The following TRPM3 variants were observed in gnomAD, a reference collection of about 807,000 sequenced individuals.
The protein encoded by TRPM3 is transient receptor potential cation channel subfamily M member 3.
A neutral mutation model predicts 181.2 loss-of-function variants in TRPM3; 77 were observed. The ratio of observed to expected loss-of-function variants is 0.42; its 90% CI spans 0.35 to 0.51. The LOEUF is 0.51. Among genes scored for constraint, TRPM3 ranks in the 20% least tolerant of loss-of-function variants. The probability of loss-of-function intolerance (pLI) is 0.01; values close to 1 mark genes in which losing one functional copy is unlikely to be tolerated. For missense variants in TRPM3, 1,759 were observed against 2,196.7 expected, an observed-to-expected ratio of 0.80 and a Z score of 3.98; for synonymous variants, 745 against 796.4, an observed-to-expected ratio of 0.94 and a Z score of 1.09.
intron 1 of TRPM3, among the ~76,000 whole-genome samples, chr9:71,367,156 G>A (rs1367387006): frequency 6.6e-6 from 1 of 152,146 alleles, no homozygotes; most frequent in African/African-American, 2.4e-5. Flanking sequence ...GAATAATTGA[G>A]AGATACTGGC....
chr9:71,335,354 T>A (rs1212602244), intron 1 of TRPM3, among the ~76,000 whole-genome samples: 1 of 152,098 alleles, frequency 6.6e-6, no homozygotes, highest in Admixed American at 6.6e-5. Context: ...AGAAGACTAT[T>A]TATACAAAAC....
At chr9:71,314,328 T>C (rs575171860) in intron 1 of TRPM3, among the ~76,000 whole-genome samples, 1 of 152,194 alleles carries the variant, frequency 6.6e-6, no homozygotes, top group South Asian at 2.1e-4. Context: ...AAACTTATTT[T>C]CCACATAGTC....
At chr9:71,226,009 T>TAAAAAAAAAAAAAAAAAA in intron 1 of TRPM3, among the ~76,000 whole-genome samples, 18 of 34,706 alleles carry the variant, frequency 5.2e-4, no homozygotes, top group Non-Finnish European at 6.8e-4. Context: ...CAACAAAAGG[T>TAAAAAAAAAAAAAAAAAA]AAAAAAAAAA....
intron 1 of TRPM3, among the ~76,000 whole-genome samples, chr9:71,299,093 C>T (rs1412647808): frequency 6.6e-6 from 1 of 152,152 alleles, no homozygotes; most frequent in African/African-American, 2.4e-5. Flanking sequence ...TGCACACCTT[C>T]TGAACGATGA....
At chr9:71,348,939 T>A (rs1387763093) in intron 1 of TRPM3, among the ~76,000 whole-genome samples, 2 of 152,218 alleles carry the variant, frequency 1.3e-5, no homozygotes, top group African/African-American at 4.8e-5. Flanking sequence ...TGATCTGTTT[T>A]GTGAAATTTC....
At chr9:71,341,694 TA>T (rs56213553) in intron 1 of TRPM3, among the ~76,000 whole-genome samples, 14,392 of 150,738 alleles carry the variant, frequency 0.095, 1,164 homozygotes, top group African/African-American at 0.22. Flanking sequence ...AAAAAACTGG[TA>T]AAAAAAAAAA....
At position 70,869,094 on chromosome 9, in the gene TRPM3, C is replaced by T. The variant is rs895995765; in HGVS notation, c.178-4583G>A. ...ATTCCGTTAATAATGCTCTTATGAC[C>T]GCCCACTGGAAAAAAAAAGTCACTT... is the stretch of plus-strand genomic sequence containing the variant. On this transcript the variant is annotated intron_variant, in intron 1 of 25. Transcript: ENST00000677713. 39 of 977,588 alleles carry T rather than the reference C, an allele frequency of 4.0e-5. No homozygotes were observed. In the South Asian group the frequency reaches 6.6e-4, roughly 17 times the overall value. The allele number at this position is 977,588 out of a possible 1,614,324, so 60.6% of individuals were successfully genotyped here.
chr9:71,349,323 G>A (rs2091467780), intron 1 of TRPM3, among the ~76,000 whole-genome samples: 1 of 152,160 alleles, frequency 6.6e-6, no homozygotes, highest in African/African-American at 2.4e-5. Flanking sequence ...TGTTTTGAAA[G>A]CTCAGTAGAA....
At chr9:70,597,037 G>A (rs2059143560) in intron 21 of TRPM3, among the ~76,000 whole-genome samples, 1 of 152,070 alleles carries the variant, frequency 6.6e-6, no homozygotes. Flanking sequence ...GGGTTCAAGT[G>A]ATTCTCCTGC....
chr9:70,573,429 A>T (rs899704971), intron 22 of TRPM3, among the ~76,000 whole-genome samples: 39 of 152,242 alleles, frequency 2.6e-4, no homozygotes, highest in African/African-American at 9.2e-4. Context: ...AATTATAACC[A>T]GGTTTTTCAC....
At chr9:70,660,264 C>T (rs1193662997) in intron 9 of TRPM3, among the ~76,000 whole-genome samples, 1 of 152,058 alleles carries the variant, frequency 6.6e-6, no homozygotes, top group East Asian at 1.9e-4. Context: ...GACCAACTTG[C>T]CTCCCATTCT....
chr9:70,695,404 T>C (rs1379993557), intron 8 of TRPM3, among the ~76,000 whole-genome samples: 1 of 152,240 alleles, frequency 6.6e-6, no homozygotes, highest in Non-Finnish European at 1.5e-5. Flanking sequence ...TAACTGCTAA[T>C]TCCCTTTCCA....
At chr9:70,911,472 A>C (rs2096537220) in intron 1 of TRPM3, among the ~76,000 whole-genome samples, 1 of 152,224 alleles carries the variant, frequency 6.6e-6, no homozygotes, top group Non-Finnish European at 1.5e-5. Flanking sequence ...GAACCCTCTT[A>C]CAAATTTTCT....
chr9:71,082,904 G>C (rs1161693351), intron 1 of TRPM3, among the ~76,000 whole-genome samples: 11 of 152,110 alleles, frequency 7.2e-5, no homozygotes, highest in Non-Finnish European at 2.9e-5. Flanking sequence ...AAAAGGAATT[G>C]TACAGGCAGG....
At chr9:71,228,131 C>T (rs1163247333) in intron 1 of TRPM3, among the ~76,000 whole-genome samples, 1 of 152,138 alleles carries the variant, frequency 6.6e-6, no homozygotes, top group African/African-American at 2.4e-5. Flanking sequence ...AAAGATCACT[C>T]ATCGTGACCA....
chr9:71,434,431 TGGA>T, intron 1 of TRPM3, among the ~76,000 whole-genome samples: 1 of 152,320 alleles, frequency 6.6e-6, no homozygotes, highest in East Asian at 1.9e-4. Flanking sequence ...ACCTTGATCT[TGGA>T]CTTTGCAGCC....
chr9:70,993,530 G>T (rs2097509575), intron 1 of TRPM3, among the ~76,000 whole-genome samples: 1 of 152,066 alleles, frequency 6.6e-6, no homozygotes, highest in South Asian at 2.1e-4. Context: ...AAATCAAAAG[G>T]TTCAGTTTTG....
intron 12 of TRPM3, among the ~76,000 whole-genome samples, chr9:70,628,818 TAAA>T (rs10699305): frequency 0.024 from 2,174 of 89,530 alleles, 72 homozygotes; most frequent in African/African-American, 0.074. Context: ...GACTCTGTCT[TAAA>T]AAAAAAAAAA....
chr9:71,191,467 T>A (rs1215766645), intron 1 of TRPM3, among the ~76,000 whole-genome samples: 3 of 151,826 alleles, frequency 2.0e-5, no homozygotes, highest in African/African-American at 7.2e-5. Flanking sequence ...AGCTTGCAAC[T>A]AATGCTCTAC....
Sources: gnomAD v4.1 joint callset for allele counts (sites outside exome capture counted in the v4.1 genomes callset) on GRCh38, gnomAD v4.1.1 for gene constraint, MANE v1.5 for transcripts, NCBI Gene and HGNC (gene_info 2026-07-23, HGNC 2026-07-21) for gene names.